The following SPAG9 variants were observed in gnomAD, a reference collection of about 807,000 sequenced individuals.
SPAG9 encodes the protein sperm associated antigen 9, also known as C-Jun-amino-terminal kinase-interacting protein 4.
In SPAG9, 35 loss-of-function variants were observed where a neutral mutation model predicts 166.5. The ratio of observed to expected loss-of-function variants is 0.21; its 90% CI spans 0.16 to 0.28. The LOEUF (loss-of-function observed/expected upper bound fraction) is 0.28. Ranked by LOEUF, SPAG9 falls within the 10% of genes least tolerant of loss-of-function variation. The pLI, the probability that SPAG9 is intolerant of heterozygous loss-of-function variation, is 1.00. For synonymous variants in SPAG9, 534 were observed against 565.5 expected (o/e 0.94, Z 0.79); for missense variants, 1,235 against 1,603.3 (o/e 0.77, Z 3.92).
At chr17:51,051,212 G>A (rs921368045) in intron 3 of SPAG9, among the ~76,000 whole-genome samples, 2 of 152,020 alleles carry the variant, frequency 1.3e-5, no homozygotes, top group Non-Finnish European at 1.5e-5. Flanking sequence ...TGGTTCAAGC[G>A]ATTCTCCTGA....
chr17:51,031,609 A>G (rs182487406), intron 6 of SPAG9, 72 bp downstream of exon 6: 1 of 1,009,796 alleles, frequency 9.9e-7, no homozygotes, highest in Non-Finnish European at 1.5e-6. Context: ...TGAGAATAGC[A>G]GTTGAGGAAG....
chr17:51,113,353 CAAAAAAA>C (rs34917845), intron 1 of SPAG9, among the ~76,000 whole-genome samples: 25 of 95,916 alleles, frequency 2.6e-4, no homozygotes, highest in Non-Finnish European at 4.1e-4. Flanking sequence ...AATGCCATAT[CAAAAAAA>C]AAAAAAAAAA....
At chr17:51,092,790 T>A (rs375578783) in intron 1 of SPAG9, among the ~76,000 whole-genome samples, 2 of 151,150 alleles carry the variant, frequency 1.3e-5, no homozygotes, top group East Asian at 3.9e-4. Flanking sequence ...AAGAAAAATT[T>A]AGCTGGACGT....
intron 1 of SPAG9, among the ~76,000 whole-genome samples, chr17:51,107,630 G>A (rs553902548): frequency 7.2e-5 from 11 of 151,790 alleles, no homozygotes; most frequent in African/African-American, 2.4e-4. Flanking sequence ...TCAGCTACTC[G>A]GGAGGCTGAG....
intron 1 of SPAG9, among the ~76,000 whole-genome samples, chr17:51,117,320 C>G (rs1472637291): frequency 1.3e-5 from 2 of 152,180 alleles, no homozygotes; most frequent in African/African-American, 4.8e-5. Flanking sequence ...TTACTTTACT[C>G]TCTCTGGTGA....
chr17:51,060,872 G>A (rs986920068), intron 2 of SPAG9, among the ~76,000 whole-genome samples: 1 of 142,798 alleles, frequency 7.0e-6, no homozygotes, highest in African/African-American at 2.7e-5. Context: ...CCTTGAGACA[G>A]AGTCTCACTC....
In SPAG9 at chr17:51,011,181, G is replaced by A. The variant is rs185607440; in HGVS notation, c.1213+3051C>T. Among the ~76,000 whole-genome samples, 97 of 152,018 alleles carry A rather than the reference G, an allele frequency of 6.4e-4. 1 individual carries two copies. The highest frequency in any genetic ancestry group is 1.2e-3 in the Non-Finnish European group (79 of 67,974). ...ATTAGTAAAATCAGAAAAAGGTTGC[G>A]CTGGCGTGATGGTGCATGCCTGTAG... On this transcript the variant is annotated intron_variant, in intron 9 of 29. Transcript: ENST00000262013.
chr17:51,043,618 C>T (rs746626093), intron 4 of SPAG9, among the ~76,000 whole-genome samples: 1 of 151,994 alleles, frequency 6.6e-6, no homozygotes, highest in African/African-American at 2.4e-5. Flanking sequence ...TTTTGTGAAC[C>T]GAAAATCCAA....
At chr17:51,036,783 C>T (rs2046603226) in intron 5 of SPAG9, among the ~76,000 whole-genome samples, 1 of 152,256 alleles carries the variant, frequency 6.6e-6, no homozygotes, top group African/African-American at 2.4e-5. Context: ...AACAACCCCA[C>T]CCCTGCTCCT....
chr17:51,002,889 G>C (rs2045021485), intron 12 of SPAG9, among the ~76,000 whole-genome samples: 1 of 151,916 alleles, frequency 6.6e-6, no homozygotes, highest in Non-Finnish European at 1.5e-5. Context: ...GACCAGCCTT[G>C]GCAATGTGGT....
chr17:50,995,871 C>G (rs1282683907), intron 16 of SPAG9: 1 of 195,396 alleles, frequency 5.1e-6, no homozygotes, highest in East Asian at 1.4e-4. Flanking sequence ...TGCTATGTTG[C>G]CTAGGCTGGT....
intron 1 of SPAG9, among the ~76,000 whole-genome samples, chr17:51,083,777 T>C (rs1377923203): frequency 6.6e-6 from 1 of 151,798 alleles, no homozygotes; most frequent in Admixed American, 6.6e-5. Flanking sequence ...TCTTAATCAT[T>C]AGGGGGTCCA....
intron 2 of SPAG9, among the ~76,000 whole-genome samples, chr17:51,073,266 T>G (rs1396759656): frequency 6.6e-6 from 1 of 151,626 alleles, no homozygotes; most frequent in Non-Finnish European, 1.5e-5. Context: ...AGGCGGAGCT[T>G]GCAGTGAGCC....
chr17:51,012,948 C>G (rs532904010), intron 9 of SPAG9, among the ~76,000 whole-genome samples: 4 of 152,088 alleles, frequency 2.6e-5, no homozygotes, highest in African/African-American at 2.4e-5. Context: ...CCAGGCTGGT[C>G]TCGAACTCCT....
In SPAG9 at chr17:51,020,859, C is replaced by G. The variant is rs546147934; in HGVS notation, c.991+299G>C. On this transcript the variant is annotated intron_variant, in intron 7 of 29. Transcript: ENST00000262013. The stretch of plus-strand genomic sequence containing the variant: ...TATCCTCCCATATACTTTAAATCAT[C>G]TCTAGATTACTTATAATACCTAATA... 4.6e-5 allele frequency among the ~76,000 whole-genome samples: 7 copies of G among 152,246 alleles called. No individual in the cohort carries two copies. In the East Asian group the frequency reaches 1.4e-3, roughly 29 times the overall value.
Position 50,987,215 on chromosome 17 carries a change from C to A in SPAG9, c.2836G>T (p.Asp946Tyr). Reference sequence around the variant, plus strand: ...TCATTTGGCAGTACTGATATTTGATCTTTATATGCATCTGAGTCATTGCTG... The same window carrying A: ...TCATTTGGCAGTACTGATATTTGATATTTATATGCATCTGAGTCATTGCTG... ...QSSNDSDAYK[D>Y]QISVLPNEQD... Residue 946 changes from aspartate (D) to tyrosine (Y), a missense_variant, in exon 22 of 30, where the codon GAT becomes TAT. Asp to Tyr is a radical substitution (Grantham distance 160). Transcript: ENST00000262013. The A allele has an allele frequency of 1.2e-6, 2 of 1,611,078 alleles. No homozygotes were observed. The highest frequency in any genetic ancestry group is 1.7e-6 in the Non-Finnish European group (2 of 1,179,060).
At chr17:51,040,350 G>T (rs924919208) in intron 5 of SPAG9, 1 of 152,162 alleles carries the variant, frequency 6.6e-6, no homozygotes, top group Admixed American at 6.5e-5. Context: ...CAAGAAGGGA[G>T]AAAAGGTAAG....
At position 50,979,929 on chromosome 17, in the gene SPAG9, T is replaced by C. The variant is rs1176824716; in HGVS notation, c.3238-12A>G. The C allele has an allele frequency of 1.2e-6, 2 of 1,605,328 alleles. No homozygotes were observed. Among genetic ancestry groups the C allele is most frequent in the Non-Finnish European group, 1.7e-6 (2 of 1,172,542 alleles). On this transcript the variant is annotated splice_polypyrimidine_tract_variant and intron_variant, in intron 25 of 29. Coordinates refer to ENST00000262013, the MANE Select transcript of SPAG9 (RefSeq NM_001130528.3). Reference sequence around the variant, plus strand: ...GCATCAAAAGATTTCTAGGAGAGATTGTCCAATCACAAAGTTACTTTTGCT... The same window carrying C: ...GCATCAAAAGATTTCTAGGAGAGATCGTCCAATCACAAAGTTACTTTTGCT...
At chr17:51,015,281 A>AC (rs759645379) in intron 8 of SPAG9, among the ~76,000 whole-genome samples, 7 of 152,140 alleles carry the variant, frequency 4.6e-5, no homozygotes, top group Non-Finnish European at 8.8e-5. Flanking sequence ...ACTTGAAGGT[A>AC]CCAGCAACCA....
Sources: allele counts gnomAD v4.1 joint callset (sites outside exome capture counted in the v4.1 genomes callset), GRCh38; gene constraint gnomAD v4.1.1; transcripts MANE v1.5; gene names NCBI Gene and HGNC (gene_info 2026-07-23, HGNC 2026-07-21).